Variants in SND1 observed in about 807,000 individuals in gnomAD.
SND1 encodes staphylococcal nuclease domain-containing protein 1.
A neutral mutation model predicts 121.7 loss-of-function variants in SND1; 38 were observed. That is an observed-to-expected ratio of 0.31 (90% CI 0.24 to 0.41). The LOEUF is 0.41. Ranked by LOEUF, SND1 falls within the 10% of genes least tolerant of loss-of-function variation. The pLI is 1.00. For missense variants in SND1, 868 were observed against 1,184.6 expected (o/e 0.73, Z 3.92); for synonymous variants, 401 against 447.4 (o/e 0.90, Z 1.31).
intron 15 of SND1, among the ~76,000 whole-genome samples, chr7:127,952,817 A>G (rs914414446): frequency 1.3e-5 from 2 of 152,200 alleles, no homozygotes; most frequent in African/African-American, 4.8e-5. Flanking sequence ...TAGAATCTCA[A>G]CCATTTTTTC....
chr7:128,089,944 C>T, intron 22 of SND1: 1 of 477,064 alleles, frequency 2.1e-6, no homozygotes, highest in Non-Finnish European at 3.9e-6. Flanking sequence ...CCCCATGTAC[C>T]CCCAGGTGAC....
At chr7:127,990,214 A>C (rs566628059) in intron 15 of SND1, among the ~76,000 whole-genome samples, 7 of 152,328 alleles carry the variant, frequency 4.6e-5, no homozygotes, top group African/African-American at 1.7e-4. Context: ...GATATATTAT[A>C]ATATCTGTTT....
intron 17 of SND1, 101 bp downstream of exon 17, chr7:128,074,791 C>G (rs1272260617): frequency 8.7e-7 from 1 of 1,150,018 alleles, no homozygotes; most frequent in African/African-American, 1.5e-5. Flanking sequence ...CTCATCCCCA[C>G]AGAGTAGCCC....
intron 3 of SND1, 83 bp downstream of exon 3, chr7:127,695,031 G>A: frequency 1.3e-6 from 2 of 1,529,228 alleles, no homozygotes. Context: ...AGGCCAGTGT[G>A]GGTTCTGGTG....
intron 10 of SND1, among the ~76,000 whole-genome samples, chr7:127,803,525 A>G (rs1798174427): frequency 6.6e-6 from 1 of 152,230 alleles, no homozygotes; most frequent in Admixed American, 6.5e-5. Flanking sequence ...TATAAAATTT[A>G]CCATCTTCAC....
At chr7:127,818,977 A>G (rs960478062) in intron 11 of SND1, among the ~76,000 whole-genome samples, 1 of 152,158 alleles carries the variant, frequency 6.6e-6, no homozygotes, top group Non-Finnish European at 1.5e-5. Flanking sequence ...GAATCTCTCA[A>G]CATTTGAGTG....
At chr7:128,057,406 A>C (rs1793160733) in intron 16 of SND1, among the ~76,000 whole-genome samples, 1 of 152,214 alleles carries the variant, frequency 6.6e-6, no homozygotes, top group Non-Finnish European at 1.5e-5. Flanking sequence ...TTCGTTTAAC[A>C]AGATTAAAGT....
chr7:127,699,404 A>C (rs1441657085), intron 4 of SND1, among the ~76,000 whole-genome samples: 1 of 152,224 alleles, frequency 6.6e-6, no homozygotes, highest in Non-Finnish European at 1.5e-5. Flanking sequence ...GAATAAGTGC[A>C]GTCAAAATTA....
At chr7:127,873,435 G>A (rs79600865) in intron 12 of SND1, among the ~76,000 whole-genome samples, 20 of 152,176 alleles carry the variant, frequency 1.3e-4, no homozygotes, top group Non-Finnish European at 2.4e-4. Context: ...CTTAGACACT[G>A]CAGCTGGAAT....
chr7:127,786,481 A>AT (rs1424934537), intron 10 of SND1, among the ~76,000 whole-genome samples: 3 of 152,308 alleles, frequency 2.0e-5, no homozygotes, highest in African/African-American at 7.2e-5. Context: ...AAAATAAGCC[A>AT]TGGAGATCAG....
intron 10 of SND1, among the ~76,000 whole-genome samples, chr7:127,800,207 A>G (rs551442385): frequency 1.7e-3 from 261 of 152,312 alleles, no homozygotes; most frequent in African/African-American, 6.0e-3. Flanking sequence ...GGCAACTGGG[A>G]CTGGTCCATT....
At chr7:128,007,631 G>A (rs548026264) in intron 16 of SND1, among the ~76,000 whole-genome samples, 1 of 152,300 alleles carries the variant, frequency 6.6e-6, no homozygotes, top group South Asian at 2.1e-4. Context: ...AGAAGGCAAA[G>A]CAAATATTAT....
intron 10 of SND1, among the ~76,000 whole-genome samples, chr7:127,765,530 A>G (rs1349599493): frequency 6.6e-6 from 1 of 152,184 alleles, no homozygotes; most frequent in Non-Finnish European, 1.5e-5. Flanking sequence ...TACTAACAAC[A>G]TCTGTCTGTC....
intron 16 of SND1, among the ~76,000 whole-genome samples, chr7:128,034,670 T>A (rs760666810): frequency 6.6e-6 from 1 of 152,178 alleles, no homozygotes; most frequent in Non-Finnish European, 1.5e-5. Flanking sequence ...TCTCAGTAAG[T>A]ATTTGTGACT....
intron 10 of SND1, among the ~76,000 whole-genome samples, chr7:127,734,985 T>C (rs1448778064): frequency 6.6e-6 from 1 of 152,240 alleles, no homozygotes; most frequent in Non-Finnish European, 1.5e-5. Flanking sequence ...GAAGTTTGCT[T>C]ATTATTTACA....
chr7:127,880,716 G>GGT (rs10655402), intron 12 of SND1, among the ~76,000 whole-genome samples: 46,899 of 149,496 alleles, frequency 0.31, 8,057 homozygotes, highest in East Asian at 0.74. Context: ...AGAATGCAGG[G>GGT]GTGTGTGTGT....
chr7:128,017,815 G>C (rs1022057343), intron 16 of SND1, among the ~76,000 whole-genome samples: 3 of 152,240 alleles, frequency 2.0e-5, no homozygotes, highest in African/African-American at 4.8e-5. Flanking sequence ...ATTTGTCTTG[G>C]TTGTTGGTTT....
At chr7:127,747,722 C>A (rs1027343068) in intron 10 of SND1, among the ~76,000 whole-genome samples, 3 of 152,216 alleles carry the variant, frequency 2.0e-5, no homozygotes, top group African/African-American at 7.2e-5. Context: ...ATTAATTTTT[C>A]AGGACATGCC....
intron 16 of SND1, among the ~76,000 whole-genome samples, chr7:128,004,386 C>G (rs1312807729): frequency 6.6e-6 from 1 of 152,174 alleles, no homozygotes; most frequent in East Asian, 1.9e-4. Flanking sequence ...GAAGAGGGAC[C>G]TCTGGTCAGA....
Sources: gnomAD v4.1 joint callset for allele counts (sites outside exome capture counted in the v4.1 genomes callset) on GRCh38, gnomAD v4.1.1 for gene constraint, MANE v1.5 for transcripts, NCBI Gene and HGNC (gene_info 2026-07-23, HGNC 2026-07-21) for gene names.